The following HS3ST4 variants were observed in gnomAD, a reference collection of about 807,000 sequenced individuals.
HS3ST4 encodes the protein heparan sulfate glucosamine 3-O-sulfotransferase 4.
In HS3ST4, 17 loss-of-function variants were observed where a neutral mutation model predicts 29.2. The ratio of observed to expected loss-of-function variants is 0.58; its 90% CI spans 0.40 to 0.87. The LOEUF is 0.87. Ranked by LOEUF, HS3ST4 falls within the 40% of genes least tolerant of loss-of-function variation. The pLI, the probability that HS3ST4 is intolerant of heterozygous loss-of-function variation, is 0.00. For missense variants in HS3ST4, 627 were observed against 634.5 expected (o/e 0.99, Z 0.13); for synonymous variants, 314 against 285.7 (o/e 1.10, Z -1.00).
intron 1 of HS3ST4, among the ~76,000 whole-genome samples, chr16:25,855,191 A>G (rs1172757358): frequency 1.3e-5 from 2 of 152,152 alleles, no homozygotes; most frequent in African/African-American, 4.8e-5. Context: ...TTAAGCTAGG[A>G]CTTGAAGATG....
At chr16:25,738,619 TCAAG>T (rs1268869995) in intron 1 of HS3ST4, among the ~76,000 whole-genome samples, 1 of 152,162 alleles carries the variant, frequency 6.6e-6, no homozygotes, top group Non-Finnish European at 1.5e-5. Flanking sequence ...CAATCCTACT[TCAAG>T]TGACAGTAGC....
intron 1 of HS3ST4, among the ~76,000 whole-genome samples, chr16:26,120,226 A>C (rs1467896226): frequency 6.6e-6 from 1 of 152,126 alleles, no homozygotes; most frequent in Non-Finnish European, 1.5e-5. Context: ...CTGTCTATCC[A>C]TCATTTCTCC....
At chr16:25,817,604 G>A (rs1967106921) in intron 1 of HS3ST4, among the ~76,000 whole-genome samples, 1 of 152,180 alleles carries the variant, frequency 6.6e-6, no homozygotes. Context: ...AAGAGAGAAA[G>A]TATAACGTGG....
At chr16:25,887,799 G>A (rs781719509) in intron 1 of HS3ST4, among the ~76,000 whole-genome samples, 25 of 145,160 alleles carry the variant, frequency 1.7e-4, no homozygotes, top group African/African-American at 2.3e-4. Flanking sequence ...CCAGGTTCAC[G>A]CCATTCTCCT....
intron 1 of HS3ST4, among the ~76,000 whole-genome samples, chr16:25,958,093 G>C (rs765126324): frequency 6.6e-6 from 1 of 152,124 alleles, no homozygotes; most frequent in African/African-American, 2.4e-5. Context: ...GCCAACCACT[G>C]TTCTAGACTC....
At chr16:26,113,544 G>A (rs955714137) in intron 1 of HS3ST4, among the ~76,000 whole-genome samples, 10 of 148,566 alleles carry the variant, frequency 6.7e-5, no homozygotes, top group African/African-American at 1.5e-4. Context: ...ATTCAGGAAA[G>A]CAATATTTTA....
intron 1 of HS3ST4, among the ~76,000 whole-genome samples, chr16:26,072,615 G>A (rs1898615110): frequency 6.6e-6 from 1 of 152,034 alleles, no homozygotes; most frequent in Non-Finnish European, 1.5e-5. Context: ...TTTTTCTTCA[G>A]TATTTTAGGT....
chr16:25,864,941 C>CAT (rs1211693990), intron 1 of HS3ST4, among the ~76,000 whole-genome samples: 4 of 106,098 alleles, frequency 3.8e-5, no homozygotes, highest in African/African-American at 1.3e-4. Flanking sequence ...TATATATACA[C>CAT]ACACATATAT....
At chr16:25,970,596 A>G (rs1968887014) in intron 1 of HS3ST4, among the ~76,000 whole-genome samples, 1 of 151,768 alleles carries the variant, frequency 6.6e-6, no homozygotes, top group Non-Finnish European at 1.5e-5. Flanking sequence ...TGTAGCCTCA[A>G]CCCCCTGGAC....
At chr16:25,900,569 C>A (rs761944353) in intron 1 of HS3ST4, among the ~76,000 whole-genome samples, 24 of 152,064 alleles carry the variant, frequency 1.6e-4, no homozygotes, top group Non-Finnish European at 3.2e-4. Context: ...ATGTGCCAGG[C>A]GTGTTAGGAG....
chr16:25,782,376 A>T (rs929330144), intron 1 of HS3ST4, among the ~76,000 whole-genome samples: 2 of 152,182 alleles, frequency 1.3e-5, no homozygotes, highest in African/African-American at 4.8e-5. Flanking sequence ...TTGACTTCAT[A>T]GAACTTGGTC....
intron 1 of HS3ST4, chr16:26,062,746 A>C (rs772222863): frequency 4.9e-6 from 1 of 204,404 alleles, no homozygotes; most frequent in South Asian, 9.1e-5. Flanking sequence ...ATAGTGATCT[A>C]TTTTAGTCTA....
At chr16:25,733,684 G>T (rs527481863) in intron 1 of HS3ST4, among the ~76,000 whole-genome samples, 84 of 152,198 alleles carry the variant, frequency 5.5e-4, no homozygotes, top group Middle Eastern at 6.8e-3. Context: ...GTATGAATCT[G>T]GGGGGCGGGG....
At chr16:26,011,941 AG>A (rs1213005442) in intron 1 of HS3ST4, among the ~76,000 whole-genome samples, 1 of 152,250 alleles carries the variant, frequency 6.6e-6, no homozygotes, top group Non-Finnish European at 1.5e-5. Context: ...GATTAATGAA[AG>A]CCAGGTTAGG....
At chr16:25,845,984 G>A (rs1206569317) in intron 1 of HS3ST4, among the ~76,000 whole-genome samples, 1 of 152,090 alleles carries the variant, frequency 6.6e-6, no homozygotes, top group Non-Finnish European at 1.5e-5. Context: ...GTTGTCCCCT[G>A]CAAGGAACAA....
chr16:26,037,653 G>A (rs906729345), intron 1 of HS3ST4, among the ~76,000 whole-genome samples: 1 of 152,202 alleles, frequency 6.6e-6, no homozygotes, highest in Non-Finnish European at 1.5e-5. Context: ...GAGAGTATAT[G>A]TTTCACTGAG....
chr16:25,839,545 G>C (rs1967392598), intron 1 of HS3ST4, among the ~76,000 whole-genome samples: 1 of 152,188 alleles, frequency 6.6e-6, no homozygotes, highest in South Asian at 2.1e-4. Flanking sequence ...TTCTCATTGA[G>C]TGATCTCCAA....
chr16:25,943,833 G>A (rs574354329), intron 1 of HS3ST4, among the ~76,000 whole-genome samples: 135 of 152,218 alleles, frequency 8.9e-4, no homozygotes, highest in African/African-American at 3.2e-3. Context: ...ATTGGACTGG[G>A]TGAGACCTAT....
At chr16:26,056,799 G>C (rs902726862) in intron 1 of HS3ST4, among the ~76,000 whole-genome samples, 12 of 152,256 alleles carry the variant, frequency 7.9e-5, no homozygotes, top group African/African-American at 2.9e-4. Context: ...ATGCAGATCA[G>C]CATACACTCA....
Sources: gnomAD v4.1 joint callset for allele counts (sites outside exome capture counted in the v4.1 genomes callset) on GRCh38, gnomAD v4.1.1 for gene constraint, MANE v1.5 for transcripts, NCBI Gene and HGNC (gene_info 2026-07-23, HGNC 2026-07-21) for gene names.